MOXD1: variants seen among roughly 807,000 people sequenced by gnomAD.
MOXD1 encodes monooxygenase DBH like 1.
MOXD1 carries 62 observed loss-of-function variants against 66.6 expected under a neutral mutation model. The observed-to-expected ratio is 0.93, with a 90% CI of 0.76 to 1.15. MOXD1 has a LOEUF of 1.15. Among genes scored for constraint, MOXD1 ranks in the 50% most tolerant of loss-of-function variants. MOXD1 has a pLI of 0.00. For missense variants in MOXD1, 847 were observed against 754.6 expected (o/e 1.12, Z -1.44); for synonymous variants, 303 against 281.9 (o/e 1.07, Z -0.75).
At chr6:132,330,604 T>G (rs1775296247) in intron 4 of MOXD1, among the ~76,000 whole-genome samples, 1 of 152,230 alleles carries the variant, frequency 6.6e-6, no homozygotes, top group Admixed American at 6.5e-5. Context: ...AAAGTAGCCC[T>G]GGCGTGTTGC....
At chr6:132,381,984 G>T (rs1776521444) in intron 1 of MOXD1, among the ~76,000 whole-genome samples, 2 of 151,974 alleles carry the variant, frequency 1.3e-5, no homozygotes, top group African/African-American at 4.8e-5. Context: ...TGCACTCATG[G>T]TAAAGGCCAT....
At chr6:132,338,458 G>A (rs1418784554) in intron 4 of MOXD1, among the ~76,000 whole-genome samples, 2 of 152,184 alleles carry the variant, frequency 1.3e-5, no homozygotes, top group Non-Finnish European at 2.9e-5. Flanking sequence ...TGAAAGGTAT[G>A]GAGATGGGGA....
intron 2 of MOXD1, 145 bp downstream of exon 2, chr6:132,374,486 T>G (rs1285995681): frequency 6.0e-6 from 5 of 840,186 alleles, no homozygotes; most frequent in Non-Finnish European, 6.4e-6. Context: ...AAGAAAAAAC[T>G]AAAAAAAAAA....
chr6:132,324,983 ACACATACT>A (rs1019025630), intron 6 of MOXD1: 7 of 146,936 alleles, frequency 4.8e-5, no homozygotes, highest in Non-Finnish European at 7.5e-5. Context: ...ACACACACAC[ACACATACT>A]TAGAAGATAT....
Position 132,296,962 on chromosome 6 carries a change from A to G in MOXD1, c.*191T>C, listed in dbSNP as rs17704981. 0.042 allele frequency: 21,768 copies of G among 513,156 alleles called. 643 individuals carry two copies. Among genetic ancestry groups the G allele is most frequent in the Non-Finnish European group, 0.054 (15,896 of 292,792 alleles). The allele number at this position is 513,156 out of a possible 1,614,324, so 31.8% of individuals were successfully genotyped here. A position where few individuals can be genotyped will look rare whatever the true frequency, so the allele number is the denominator to read the frequency against. On this transcript the variant is annotated 3_prime_UTR_variant, in exon 12 of 12. Coordinates refer to ENST00000367963, the MANE Select transcript of MOXD1 (RefSeq NM_015529.4). ...ATTGACCATGTATATATAACATCAG[A>G]TATTTCTAAGAAAGAGAAGAGAACC...
Position 132,401,144 on chromosome 6 carries a change from C to A in MOXD1, c.264+19G>T. ...GGACCGGGCTCGGCCGGGCGGGCTC[C>A]GGGAGGAGACGCGCTTACCTGGAGG... is the stretch of plus-strand genomic sequence containing the variant. On this transcript the variant is annotated intron_variant, in intron 1 of 11. Transcript: ENST00000367963. The A allele has an allele frequency of 6.7e-7, 1 of 1,485,924 alleles. No homozygotes were observed. The allele number at this position is 1,485,924 out of a possible 1,614,324, so 92.0% of individuals were successfully genotyped here. A position where few individuals can be genotyped will look rare whatever the true frequency, so the allele number is the denominator to read the frequency against.
chr6:132,369,365 A>G (rs1478678814), intron 4 of MOXD1, among the ~76,000 whole-genome samples: 1 of 152,108 alleles, frequency 6.6e-6, no homozygotes, highest in Non-Finnish European at 1.5e-5. Flanking sequence ...TGTGGCCATA[A>G]CTTTTGCAGT....
intron 1 of MOXD1, among the ~76,000 whole-genome samples, chr6:132,387,957 A>C (rs1426263541): frequency 1.3e-5 from 2 of 151,282 alleles, no homozygotes; most frequent in African/African-American, 4.8e-5. Flanking sequence ...GCAGTCTTGT[A>C]TAATTTGTGT....
intron 1 of MOXD1, among the ~76,000 whole-genome samples, chr6:132,395,464 G>A (rs1011915761): frequency 6.6e-6 from 1 of 151,930 alleles, no homozygotes; most frequent in African/African-American, 2.4e-5. Context: ...AGTAAGAAAG[G>A]AACAGAGGAT....
chr6:132,323,706 A>C (rs1022040025), intron 7 of MOXD1, among the ~76,000 whole-genome samples: 2 of 152,310 alleles, frequency 1.3e-5, no homozygotes, highest in South Asian at 4.1e-4. Context: ...AGGTAGGAGT[A>C]AGAAGAAAAA....
At chr6:132,370,360 T>C (rs1776240917) in intron 4 of MOXD1, among the ~76,000 whole-genome samples, 1 of 152,056 alleles carries the variant, frequency 6.6e-6, no homozygotes. Flanking sequence ...AAGTTGCAAA[T>C]GAAAACTGGT....
At chr6:132,360,308 C>T (rs1212937811) in intron 4 of MOXD1, among the ~76,000 whole-genome samples, 1 of 152,160 alleles carries the variant, frequency 6.6e-6, no homozygotes, top group Non-Finnish European at 1.5e-5. Flanking sequence ...CCTTTCTGGG[C>T]GTCAGTTTCC....
At chr6:132,314,513 C>T (rs9493283) in intron 10 of MOXD1, among the ~76,000 whole-genome samples, 4,802 of 152,322 alleles carry the variant, frequency 0.032, 234 homozygotes, top group African/African-American at 0.1. Flanking sequence ...TCTGGTCCCA[C>T]CTGCTCTCAT....
Position 132,368,014 on chromosome 6 carries a change from T to C in MOXD1, c.663+4594A>G, listed in dbSNP as rs193169454. ...TTCTCCCCTTTGCCATAATAGGCCA[T>C]CAGCAAATTTTCTATTAAATGGAAT... On this transcript the variant is annotated intron_variant, in intron 4 of 11. Coordinates refer to ENST00000367963, the MANE Select transcript of MOXD1 (RefSeq NM_015529.4). 3.9e-3 allele frequency among the ~76,000 whole-genome samples: 586 copies of C among 152,088 alleles called. 4 individuals carry two copies. Among genetic ancestry groups the C allele is most frequent in the Middle Eastern group, 0.034 (10 of 294 alleles).
At chr6:132,315,571 T>C (rs894554366) in intron 10 of MOXD1, 64 bp downstream of exon 10, 1 of 1,504,418 alleles carries the variant, frequency 6.6e-7, no homozygotes, top group Non-Finnish European at 9.0e-7. Context: ...GGATCCAGTA[T>C]GACAATAAAG....
At chr6:132,349,394 C>CAT (rs1411912307) in intron 4 of MOXD1, among the ~76,000 whole-genome samples, 1 of 46,924 alleles carries the variant, frequency 2.1e-5, no homozygotes. Flanking sequence ...TATATATATA[C>CAT]ACATATATAT....
chr6:132,377,480 G>C (rs1776417554), intron 1 of MOXD1, among the ~76,000 whole-genome samples: 1 of 152,116 alleles, frequency 6.6e-6, no homozygotes, highest in African/African-American at 2.4e-5. Flanking sequence ...AAAATATCCA[G>C]CTGGTTTGCC....
chr6:132,297,357 T>C (rs1232969079), intron 11 of MOXD1, 40 bp from the exon 12 acceptor site: 2 of 1,600,346 alleles, frequency 1.2e-6, no homozygotes. Context: ...GAACATCTGA[T>C]TTAAGGCAGC....
At chr6:132,372,451 A>G (rs984350944) in intron 4 of MOXD1, among the ~76,000 whole-genome samples, 157 bp downstream of exon 4, 5 of 152,216 alleles carry the variant, frequency 3.3e-5, no homozygotes, top group African/African-American at 1.2e-4. Context: ...CAGACTCTTG[A>G]AAAAGTATGC....
Sources: gnomAD v4.1 joint callset for allele counts (sites outside exome capture counted in the v4.1 genomes callset) on GRCh38, gnomAD v4.1.1 for gene constraint, MANE v1.5 for transcripts, NCBI Gene and HGNC (gene_info 2026-07-23, HGNC 2026-07-21) for gene names.